Variants in KCNIP4 observed in about 807,000 individuals in gnomAD.
KCNIP4 encodes potassium voltage-gated channel interacting protein 4, also known as Kv channel-interacting protein 4.
A neutral mutation model predicts 34.0 loss-of-function variants in KCNIP4; 12 were observed. The observed-to-expected ratio is 0.35, with a 90% CI of 0.23 to 0.57. KCNIP4 has a LOEUF of 0.57. Among genes scored for constraint, KCNIP4 ranks in the 20% least tolerant of loss-of-function variants. The pLI, the probability that KCNIP4 is intolerant of heterozygous loss-of-function variation, is 0.83. For synonymous variants in KCNIP4, 124 were observed against 102.2 expected, an observed-to-expected ratio of 1.21 and a Z score of -1.29; for missense variants, 238 against 311.7, an observed-to-expected ratio of 0.76 and a Z score of 1.78.
intron 1 of KCNIP4, among the ~76,000 whole-genome samples, chr4:21,832,880 G>A (rs963362736): frequency 6.6e-6 from 1 of 151,126 alleles, no homozygotes; most frequent in Non-Finnish European, 1.5e-5. Context: ...TGAGAATGAT[G>A]ATTTCCAATT....
intron 3 of KCNIP4, among the ~76,000 whole-genome samples, chr4:20,800,424 A>G (rs529796179): frequency 3.9e-5 from 6 of 152,252 alleles, no homozygotes; most frequent in Non-Finnish European, 8.8e-5. Context: ...TTCTCCAGTA[A>G]CTGACCCCAA....
intron 1 of KCNIP4, among the ~76,000 whole-genome samples, chr4:21,589,194 AT>A (rs1560540258): frequency 4.2e-5 from 2 of 47,274 alleles, no homozygotes; most frequent in African/African-American, 1.3e-4. Context: ...ATATATATAT[AT>A]ATATATGTGT....
intron 1 of KCNIP4, among the ~76,000 whole-genome samples, chr4:21,363,143 C>T (rs938109112): frequency 6.6e-6 from 1 of 152,152 alleles, no homozygotes; most frequent in Non-Finnish European, 1.5e-5. Context: ...CATACAGTAG[C>T]TACTGAAGTT....
At chr4:21,754,916 G>A (rs937501213) in intron 1 of KCNIP4, among the ~76,000 whole-genome samples, 1 of 152,154 alleles carries the variant, frequency 6.6e-6, no homozygotes, top group Non-Finnish European at 1.5e-5. Context: ...GGAGGCCGAG[G>A]TGGGCGGATC....
At chr4:21,004,716 T>C (rs1738412231) in intron 1 of KCNIP4, among the ~76,000 whole-genome samples, 1 of 152,176 alleles carries the variant, frequency 6.6e-6, no homozygotes, top group Non-Finnish European at 1.5e-5. Flanking sequence ...TTCAAATTCA[T>C]AGAGTTCCAC....
At chr4:21,462,805 G>GTA (rs1422376638) in intron 1 of KCNIP4, among the ~76,000 whole-genome samples, 1 of 130,388 alleles carries the variant, frequency 7.7e-6, no homozygotes. Flanking sequence ...GTGTGTGTGT[G>GTA]TATGTGTGTC....
intron 1 of KCNIP4, among the ~76,000 whole-genome samples, chr4:20,884,419 C>A (rs963827329): frequency 6.7e-6 from 1 of 149,640 alleles, no homozygotes; most frequent in East Asian, 2.0e-4. Context: ...CCCTGACAGA[C>A]CCCCGTGTGT....
At chr4:20,756,992 T>G (rs1754529066) in intron 4 of KCNIP4, among the ~76,000 whole-genome samples, 1 of 152,146 alleles carries the variant, frequency 6.6e-6, no homozygotes, top group Admixed American at 6.5e-5. Context: ...TATCTCTTTC[T>G]CTGACTTGTC....
intron 1 of KCNIP4, among the ~76,000 whole-genome samples, chr4:21,860,818 G>T (rs1446915888): frequency 2.6e-5 from 4 of 152,162 alleles, no homozygotes; most frequent in Non-Finnish European, 4.4e-5. Flanking sequence ...CCAATAATGT[G>T]CTAGTGTCAC....
intron 1 of KCNIP4, among the ~76,000 whole-genome samples, chr4:21,680,565 C>T (rs931874337): frequency 6.6e-6 from 1 of 152,202 alleles, no homozygotes; most frequent in Admixed American, 6.5e-5. Flanking sequence ...GAATCACTAT[C>T]TATGACAGTT....
Position 21,168,364 on chromosome 4 carries a change from C to G in KCNIP4, c.62-285655G>C, listed in dbSNP as rs1753786153. Among the ~76,000 whole-genome samples, 2 of 152,056 alleles carry G rather than the reference C, an allele frequency of 1.3e-5. 1 individual carries two copies. Among genetic ancestry groups the G allele is most frequent in the South Asian group, 4.1e-4 (2 of 4,826 alleles). ...TCCATGAAGATTGTTTAGCTCTATC[C>G]AACACTTTCTGCAACTTGATGGCCA... is the stretch of plus-strand genomic sequence containing the variant. On this transcript the variant is annotated intron_variant, in intron 1 of 8. Coordinates refer to ENST00000382152, the MANE Select transcript of KCNIP4 (RefSeq NM_025221.6).
chr4:21,748,366 C>T (rs748037364), intron 1 of KCNIP4, among the ~76,000 whole-genome samples: 2 of 152,032 alleles, frequency 1.3e-5, no homozygotes, highest in African/African-American at 2.4e-5. Flanking sequence ...GGATTGTTAA[C>T]AAGACAAAGG....
At chr4:21,123,318 C>A (rs1318518404) in intron 1 of KCNIP4, among the ~76,000 whole-genome samples, 1 of 152,072 alleles carries the variant, frequency 6.6e-6, no homozygotes, top group Non-Finnish European at 1.5e-5. Flanking sequence ...TTCTAGGAAC[C>A]TGGGAAACAT....
chr4:21,926,140 T>C (rs1003866655), intron 1 of KCNIP4, among the ~76,000 whole-genome samples: 2 of 152,240 alleles, frequency 1.3e-5, no homozygotes, highest in African/African-American at 4.8e-5. Context: ...ATACAGCCAA[T>C]ACTTAATCAG....
chr4:21,529,548 T>A lies in KCNIP4; in HGVS notation c.61+419023A>T, dbSNP rs182599638. Among the ~76,000 whole-genome samples, 565 of 152,324 alleles carry A rather than the reference T, an allele frequency of 3.7e-3. 3 individuals are homozygous for A. The highest frequency in any genetic ancestry group is 0.017 in the Middle Eastern group (5 of 294). ...TATAGAAATCAATCTTAGTTTTTTT[T>A]ATCTTCTTTTTCTTCAAAGAGGGTT... On this transcript the variant is annotated intron_variant, in intron 1 of 8. Coordinates refer to ENST00000382152, the MANE Select transcript of KCNIP4 (RefSeq NM_025221.6).
intron 1 of KCNIP4, among the ~76,000 whole-genome samples, chr4:21,302,801 T>TAA (rs1711896733): frequency 6.6e-6 from 1 of 152,210 alleles, no homozygotes; most frequent in Non-Finnish European, 1.5e-5. Context: ...TTGCTATTTG[T>TAA]AAATGCAATC....
Position 20,882,634 on chromosome 4 carries a change from G to T in KCNIP4, c.137C>A (p.Ala46Asp). 6.2e-7 allele frequency: 1 copy of T among 1,613,580 alleles called. No homozygotes were observed. Among genetic ancestry groups the T allele is most frequent in the South Asian group, 1.1e-5 (1 of 91,058 alleles). The change falls in exon 2 of 9, where the codon GCC (alanine) becomes GAC (aspartate). Residue 46 changes from alanine to aspartate, a missense_variant. Coordinates refer to ENST00000382152, the MANE Select transcript of KCNIP4 (RefSeq NM_025221.6). Reference sequence around the variant, plus strand: ...TTGAATAGCAGGAGACGACGTTTTGGCAGCTGAGCAGGGCAAGAGCTTCAT... The same window carrying T: ...TTGAATAGCAGGAGACGACGTTTTGTCAGCTGAGCAGGGCAAGAGCTTCAT... ...RLMKLLPCSAAKTSSPAIQNS... is the reference protein window; with the variant it reads ...RLMKLLPCSADKTSSPAIQNS...
chr4:20,964,513 C>CT (rs1734152594), intron 1 of KCNIP4, among the ~76,000 whole-genome samples: 1 of 152,128 alleles, frequency 6.6e-6, no homozygotes, highest in African/African-American at 2.4e-5. Flanking sequence ...GCAAGATCGT[C>CT]TTTTTTGGGG....
intron 1 of KCNIP4, among the ~76,000 whole-genome samples, chr4:21,727,248 A>G (rs2109104771): frequency 6.6e-6 from 1 of 152,248 alleles, no homozygotes; most frequent in South Asian, 2.1e-4. Flanking sequence ...CGTTTGAAGG[A>G]GTATGCCTTT....
Sources: allele counts gnomAD v4.1 joint callset (sites outside exome capture counted in the v4.1 genomes callset), GRCh38; gene constraint gnomAD v4.1.1; transcripts MANE v1.5; gene names NCBI Gene and HGNC (gene_info 2026-07-23, HGNC 2026-07-21).